Variants in PURB observed in about 807,000 individuals in gnomAD.
The protein encoded by PURB is transcriptional regulator protein Pur-beta.
Under a neutral mutation model 21.1 loss-of-function variants are expected in PURB, and 11 were observed. The observed-to-expected ratio is 0.52, with a 90% CI of 0.33 to 0.86. The LOEUF (loss-of-function observed/expected upper bound fraction) is 0.86, where lower values mean the gene tolerates loss of function less well. Among genes scored for constraint, PURB ranks in the 40% least tolerant of loss-of-function variants. PURB has a pLI of 0.02. For synonymous variants in PURB, 246 were observed against 210.8 expected (o/e 1.17, Z -1.45); for missense variants, 357 against 456.5 (o/e 0.78, Z 1.99).
At position 44,884,764 on chromosome 7, in the gene PURB, G is replaced by A; in HGVS notation, c.585C>T (p.Gly195=). The change falls in exon 1 of 1, where the codon GGC becomes GGT. Residue 195 remains glycine (G), a synonymous_variant. Coordinates refer to ENST00000395699, the MANE Select transcript of PURB (RefSeq NM_033224.5). ...GGCCGCCTGCCAGCTCGTCGTCCTC[G>A]CCTCCGTAGTCGTCTATGAGCTTCG... The part of the protein sequence containing the change: ...ALAKLIDDYG[G]EDDELAGGPG... 2 of 1,610,330 alleles carry A rather than the reference G, an allele frequency of 1.2e-6. No individual in the cohort carries two copies. The highest frequency in any genetic ancestry group is 4.5e-5 in the East Asian group (2 of 44,834).
rs576272713 is a variant in PURB, at chr7:44,881,160, T to C, written c.*3250A>G. On this transcript the variant is annotated 3_prime_UTR_variant, in exon 1 of 1. Coordinates refer to ENST00000395699, the MANE Select transcript of PURB (RefSeq NM_033224.5). ...GGAAACAAACCTTCTAACAATTATA[T>C]GAAAAGAAGTTTTAGTTTCCTACTT... is the stretch of plus-strand genomic sequence containing the variant. 5.9e-5 allele frequency: 9 copies of C among 152,316 alleles called. No individual in the cohort carries two copies. The highest frequency in any genetic ancestry group is 2.1e-4 in the South Asian group (1 of 4,826). The allele number at this position is 152,316 out of a possible 1,614,324, so 9.4% of individuals were successfully genotyped here.
rs1793892728 is a variant in PURB at position 44,882,573 on chromosome 7, A to G, written c.*1837T>C. ...TTCCCGCCCTCTCAGCCACAAATACATGAAAACCTTTTTGTATATTACTCA... is the reference window on the plus strand; with the variant it reads ...TTCCCGCCCTCTCAGCCACAAATACGTGAAAACCTTTTTGTATATTACTCA... On this transcript the variant is annotated 3_prime_UTR_variant, in exon 1 of 1. Coordinates refer to ENST00000395699, the MANE Select transcript of PURB (RefSeq NM_033224.5). 6.6e-6 allele frequency: 1 copy of G among 152,324 alleles called. No individual in the cohort carries two copies. 9.4% of individuals were successfully genotyped at this position (152,324 alleles called of 1,614,324 possible).
rs1269834537 is a variant in PURB at position 44,884,406 on chromosome 7, C to T, written c.*4G>A. The T allele has an allele frequency of 1.2e-6, 2 of 1,611,418 alleles. No homozygotes were observed. Among genetic ancestry groups the T allele is most frequent in the African/African-American group, 1.3e-5 (1 of 74,864 alleles). On this transcript the variant is annotated 3_prime_UTR_variant, in exon 1 of 1. Transcript: ENST00000395699. ...GTGGAGGCCTGTAGGGGAAGCTGCCCGTTTCAATCCTCATCCACCTCCTCA... is the reference window on the plus strand; with the variant it reads ...GTGGAGGCCTGTAGGGGAAGCTGCCTGTTTCAATCCTCATCCACCTCCTCA...
rs1793937345 is a variant in PURB, at chr7:44,885,067, G to A, written c.282C>T (p.Tyr94=). The A allele has an allele frequency of 1.3e-6, 2 of 1,575,572 alleles. No homozygotes were observed. Among genetic ancestry groups the A allele is most frequent in the East Asian group, 2.4e-5 (1 of 42,032 alleles). The change falls in exon 1 of 1, where the codon TAC becomes TAT. Residue 94 remains tyrosine, a synonymous_variant. Coordinates refer to ENST00000395699, the MANE Select transcript of PURB (RefSeq NM_033224.5). ...CGGGGCTGCTAGGGCCCAGCTGCGC[G>A]TAGTGTTCTATGAAGTCGCCCAGCG... The part of the protein sequence containing the change: ...RDSLGDFIEH[Y]AQLGPSSPEQ...
At position 44,884,179 on chromosome 7, in the gene PURB, GT is replaced by G; in HGVS notation, c.*230del. 9.9e-7 allele frequency: 1 copy of G among 1,007,504 alleles called. No individual in the cohort carries two copies. Among genetic ancestry groups the G allele is most frequent in the East Asian group, 2.7e-5 (1 of 37,240 alleles). 62.4% of individuals were successfully genotyped at this position (1,007,504 alleles called of 1,614,324 possible). A position where few individuals can be genotyped will look rare whatever the true frequency, so the allele number is the denominator to read the frequency against. ...AATTTTACGCAGGTGAGGAGATGCT[GT>G]TTTCCTCTTTGCAGGTTGCTGTCAG... On this transcript the variant is annotated 3_prime_UTR_variant, in exon 1 of 1. Transcript: ENST00000395699.
chr7:44,878,012 A>G lies in PURB; in HGVS notation c.*6398T>C, dbSNP rs187432122. 2.6e-5 allele frequency: 4 copies of G among 152,356 alleles called. No homozygotes were observed. Among genetic ancestry groups the G allele is most frequent in the Middle Eastern group, 3.4e-3 (1 of 294 alleles). The allele number at this position is 152,356 out of a possible 1,614,324, so 9.4% of individuals were successfully genotyped here. A position where few individuals can be genotyped will look rare whatever the true frequency, so the allele number is the denominator to read the frequency against. On this transcript the variant is annotated 3_prime_UTR_variant, in exon 1 of 1. Coordinates refer to ENST00000395699, the MANE Select transcript of PURB (RefSeq NM_033224.5). Reference sequence around the variant, plus strand: ...ATGTCTCTGAAAAAGGAATTTTACAAGAGAATAAACAAACCACTCACCATC... The same window carrying G: ...ATGTCTCTGAAAAAGGAATTTTACAGGAGAATAAACAAACCACTCACCATC...
In PURB at chr7:44,879,973, T is replaced by C. The variant is rs900030448; in HGVS notation, c.*4437A>G. On this transcript the variant is annotated 3_prime_UTR_variant, in exon 1 of 1. Transcript: ENST00000395699. ...GCAAAAAGATGGAGGCTCTGCTCTCTGAACAGGCCTTATGCATGTGACTTT... is the reference window on the plus strand; with the variant it reads ...GCAAAAAGATGGAGGCTCTGCTCTCCGAACAGGCCTTATGCATGTGACTTT... 32 of 152,280 alleles carry C rather than the reference T, an allele frequency of 2.1e-4. No individual in the cohort carries two copies. Among genetic ancestry groups the C allele is most frequent in the African/African-American group, 7.5e-4 (31 of 41,442 alleles). 9.4% of individuals were successfully genotyped at this position (152,280 alleles called of 1,614,324 possible).
chr7:44,881,711 C>T lies in PURB; in HGVS notation c.*2699G>A, dbSNP rs1013288004. On this transcript the variant is annotated 3_prime_UTR_variant, in exon 1 of 1. Coordinates refer to ENST00000395699, the MANE Select transcript of PURB (RefSeq NM_033224.5). Reference sequence around the variant, plus strand: ...ATATTACTGTTACATGGTCTAATGACTAAGAAAATTTCTCTGGTAACCAAA... The same window carrying T: ...ATATTACTGTTACATGGTCTAATGATTAAGAAAATTTCTCTGGTAACCAAA... 6.5e-6 allele frequency: 1 copy of T among 154,046 alleles called. No individual in the cohort carries two copies. The highest frequency in any genetic ancestry group is 1.5e-5 in the Non-Finnish European group (1 of 68,182). The allele number at this position is 154,046 out of a possible 1,614,324, so 9.5% of individuals were successfully genotyped here.
Position 44,881,167 on chromosome 7 carries a change from A to G in PURB, c.*3243T>C, listed in dbSNP as rs937947495. 1.3e-5 allele frequency: 2 copies of G among 152,216 alleles called. No homozygotes were observed. Among genetic ancestry groups the G allele is most frequent in the African/African-American group, 4.8e-5 (2 of 41,442 alleles). 9.4% of individuals were successfully genotyped at this position (152,216 alleles called of 1,614,324 possible). Reference sequence around the variant, plus strand: ...AACCTTCTAACAATTATATGAAAAGAAGTTTTAGTTTCCTACTTCTCAGGA... The same window carrying G: ...AACCTTCTAACAATTATATGAAAAGGAGTTTTAGTTTCCTACTTCTCAGGA... On this transcript the variant is annotated 3_prime_UTR_variant, in exon 1 of 1. Coordinates refer to ENST00000395699, the MANE Select transcript of PURB (RefSeq NM_033224.5).
rs1012943272 is a variant in PURB, at chr7:44,883,032, G to A, written c.*1378C>T. 5 of 152,616 alleles carry A rather than the reference G, an allele frequency of 3.3e-5. No homozygotes were observed. The highest frequency in any genetic ancestry group is 7.4e-5 in the Non-Finnish European group (5 of 68,020). 9.5% of individuals were successfully genotyped at this position (152,616 alleles called of 1,614,324 possible). The stretch of plus-strand genomic sequence containing the variant: ...CAAGATGGTATAAAAATGCTTCCAG[G>A]ATATAGTCAGCATATTCACGTTCAC... On this transcript the variant is annotated 3_prime_UTR_variant, in exon 1 of 1. Coordinates refer to ENST00000395699, the MANE Select transcript of PURB (RefSeq NM_033224.5).
Position 44,879,104 on chromosome 7 carries a change from G to C in PURB, c.*5306C>G, listed in dbSNP as rs747266688. The C allele has an allele frequency of 2.6e-5, 4 of 152,324 alleles. No individual in the cohort carries two copies. The highest frequency in any genetic ancestry group is 5.9e-5 in the Non-Finnish European group (4 of 68,138). 9.4% of individuals were successfully genotyped at this position (152,324 alleles called of 1,614,324 possible). On this transcript the variant is annotated 3_prime_UTR_variant, in exon 1 of 1. Transcript: ENST00000395699. ...TACCCAGGCTGGAGTGCAATGGCGC[G>C]ATCTTGGCTCACTGCAACCTCCGCT...
Position 44,879,443 on chromosome 7 carries a change from G to A in PURB, c.*4967C>T, listed in dbSNP as rs1424057825. The A allele has an allele frequency of 5.0e-5, 5 of 99,774 alleles. No homozygotes were observed. The highest frequency in any genetic ancestry group is 1.6e-4 in the African/African-American group (4 of 24,820). The allele number at this position is 99,774 out of a possible 1,614,324, so 6.2% of individuals were successfully genotyped here. On this transcript the variant is annotated 3_prime_UTR_variant, in exon 1 of 1. Coordinates refer to ENST00000395699, the MANE Select transcript of PURB (RefSeq NM_033224.5). The stretch of plus-strand genomic sequence containing the variant: ...TTTTCTTTTCTACAAACTATCTCCC[G>A]CCCTCCCCAGCCCCACCCACACACC...
chr7:44,882,539 C>G lies in PURB; in HGVS notation c.*1871G>C, dbSNP rs1440483123. 1 of 152,334 alleles carries G rather than the reference C, an allele frequency of 6.6e-6. No homozygotes were observed. The highest frequency in any genetic ancestry group is 1.9e-4 in the East Asian group (1 of 5,200). The allele number at this position is 152,334 out of a possible 1,614,324, so 9.4% of individuals were successfully genotyped here. On this transcript the variant is annotated 3_prime_UTR_variant, in exon 1 of 1. Transcript: ENST00000395699. ...TTTTAAAAAAGCCTAATTTTATGTACACAATTATTTCCCGCCCTCTCAGCC... is the reference window on the plus strand; with the variant it reads ...TTTTAAAAAAGCCTAATTTTATGTAGACAATTATTTCCCGCCCTCTCAGCC...
In PURB at chr7:44,880,340, TGA is replaced by T. The variant is rs1229755844; in HGVS notation, c.*4068_*4069del. On this transcript the variant is annotated 3_prime_UTR_variant, in exon 1 of 1. Transcript: ENST00000395699. ...ACACTATTTTCAAATGAATATCTAC[TGA>T]GAGATCAGTTGTGCATTGGATAAAG... The T allele has an allele frequency of 2.0e-5, 3 of 152,666 alleles. No individual in the cohort carries two copies. Among genetic ancestry groups the T allele is most frequent in the Non-Finnish European group, 2.9e-5 (2 of 68,052 alleles). 9.5% of individuals were successfully genotyped at this position (152,666 alleles called of 1,614,324 possible). A position where few individuals can be genotyped will look rare whatever the true frequency, so the allele number is the denominator to read the frequency against.
Position 44,884,449 on chromosome 7 carries a change from G to A in PURB, c.900C>T (p.Gly300=). ...LYERRGGGSG[G]GEESEGEEVD... Reference sequence around the variant, plus strand: ...CCTCCTCACCCTCTGACTCTTCGCCGCCGCCGCTGCCCCCACCACGTCGCT... The same window carrying A: ...CCTCCTCACCCTCTGACTCTTCGCCACCGCCGCTGCCCCCACCACGTCGCT... The change falls in exon 1 of 1, where the codon GGC becomes GGT. Residue 300 remains glycine (G), a synonymous_variant. Transcript: ENST00000395699. 6.2e-7 allele frequency: 1 copy of A among 1,613,476 alleles called. No homozygotes were observed. Among genetic ancestry groups the A allele is most frequent in the Non-Finnish European group, 8.5e-7 (1 of 1,179,966 alleles).
At position 44,879,561 on chromosome 7, in the gene PURB, T is replaced by A. The variant is rs1359416378; in HGVS notation, c.*4849A>T. ...TAAAACCAACCCTGAAAACTGATAA[T>A]CTCATTCACTTACTATAACTTCAGT... On this transcript the variant is annotated 3_prime_UTR_variant, in exon 1 of 1. Coordinates refer to ENST00000395699, the MANE Select transcript of PURB (RefSeq NM_033224.5). 6.8e-6 allele frequency: 1 copy of A among 146,418 alleles called. No homozygotes were observed. Among genetic ancestry groups the A allele is most frequent in the Non-Finnish European group, 1.5e-5 (1 of 67,148 alleles). 9.1% of individuals were successfully genotyped at this position (146,418 alleles called of 1,614,324 possible).
rs886099837 is a variant in PURB, at chr7:44,884,866, G to C, written c.483C>G (p.Pro161=). The change falls in exon 1 of 1, where the codon CCC becomes CCG. Residue 161 remains proline (P), a synonymous_variant. Transcript: ENST00000395699. The part of the protein sequence containing the change: ...NRGGGGFGAG[P]GPGGLQSGQT... ...GGCCGCTCTGCAAGCCGCCCGGCCCGGGGCCCGCGCCGAAGCCGCCACCGC... is the reference window on the plus strand; with the variant it reads ...GGCCGCTCTGCAAGCCGCCCGGCCCCGGGCCCGCGCCGAAGCCGCCACCGC... 1 of 1,557,226 alleles carries C rather than the reference G, an allele frequency of 6.4e-7. No individual in the cohort carries two copies. Among genetic ancestry groups the C allele is most frequent in the Non-Finnish European group, 8.7e-7 (1 of 1,153,782 alleles).
rs138344030 is a variant in PURB at position 44,883,985 on chromosome 7, G to C, written c.*425C>G. The C allele has an allele frequency of 7.0e-5, 15 of 212,996 alleles. No individual in the cohort carries two copies. The highest frequency in any genetic ancestry group is 1.1e-4 in the Non-Finnish European group (11 of 104,474). 13.2% of individuals were successfully genotyped at this position (212,996 alleles called of 1,614,324 possible). A position where few individuals can be genotyped will look rare whatever the true frequency, so the allele number is the denominator to read the frequency against. On this transcript the variant is annotated 3_prime_UTR_variant, in exon 1 of 1. Transcript: ENST00000395699. ...ATAGACACCGCAACAGTGAGGCCTA[G>C]AGAGATCTTTTATGCCAGATTACCC... is the stretch of plus-strand genomic sequence containing the variant.
rs563334070 is a variant in PURB at position 44,884,235 on chromosome 7, T to C, written c.*175A>G. On this transcript the variant is annotated 3_prime_UTR_variant, in exon 1 of 1. Coordinates refer to ENST00000395699, the MANE Select transcript of PURB (RefSeq NM_033224.5). ...TTGGAACTTGACTGCTTTTCTCAAG[T>C]TGTCCGTCACTGTTCTCTTACGATT... is the stretch of plus-strand genomic sequence containing the variant. 1.2e-5 allele frequency: 16 copies of C among 1,381,546 alleles called. No homozygotes were observed. The highest frequency in any genetic ancestry group is 1.5e-5 in the African/African-American group (1 of 68,594). The allele number at this position is 1,381,546 out of a possible 1,614,324, so 85.6% of individuals were successfully genotyped here.
Sources: allele counts gnomAD v4.1 joint callset, GRCh38; gene constraint gnomAD v4.1.1; transcripts MANE v1.5; gene names NCBI Gene and HGNC (gene_info 2026-07-23, HGNC 2026-07-21).